KIF16B: variants seen among roughly 807,000 people sequenced by gnomAD.
KIF16B encodes kinesin-like protein KIF16B.
Under a neutral mutation model 156.3 loss-of-function variants are expected in KIF16B, and 98 were observed. The observed-to-expected ratio is 0.63, with a 90% confidence interval of 0.53 to 0.74. KIF16B has a LOEUF of 0.74. Among genes scored for constraint, KIF16B ranks in the 30% least tolerant of loss-of-function variants. The pLI, the probability that KIF16B is intolerant of heterozygous loss-of-function variation, is 0.00. For missense variants in KIF16B, 1,421 were observed against 1,606.5 expected, an observed-to-expected ratio of 0.88 and a Z score of 1.97; for synonymous variants, 564 against 583.7, an observed-to-expected ratio of 0.97 and a Z score of 0.49.
intron 12 of KIF16B, among the ~76,000 whole-genome samples, chr20:16,451,038 C>A (rs534947346): frequency 6.6e-6 from 1 of 152,276 alleles, no homozygotes; most frequent in African/African-American, 2.4e-5. Context: ...CAGTCAAAAT[C>A]TCAGTATCAG....
intron 12 of KIF16B, among the ~76,000 whole-genome samples, chr20:16,470,341 T>C (rs910428991): frequency 6.6e-6 from 1 of 152,122 alleles, no homozygotes; most frequent in African/African-American, 2.4e-5. Flanking sequence ...AAATTTTGAG[T>C]GACAATGATG....
intron 25 of KIF16B, among the ~76,000 whole-genome samples, chr20:16,294,897 G>A (rs1009872892): frequency 6.6e-6 from 1 of 152,086 alleles, no homozygotes; most frequent in Non-Finnish European, 1.5e-5. Context: ...GGACAACGCA[G>A]GGAGCCATCT....
chr20:16,470,785 A>C (rs6043978), intron 12 of KIF16B, among the ~76,000 whole-genome samples: 3 of 151,614 alleles, frequency 2.0e-5, no homozygotes, highest in Admixed American at 6.6e-5. Flanking sequence ...GCATGAACCA[A>C]TGCACATGGC....
intron 12 of KIF16B, among the ~76,000 whole-genome samples, chr20:16,436,312 A>T (rs1372551109): frequency 1.3e-5 from 2 of 152,060 alleles, no homozygotes; most frequent in Non-Finnish European, 2.9e-5. Context: ...GAGGGCTAGG[A>T]GGTCTCACCT....
chr20:16,305,136 G>C (rs764361252), intron 25 of KIF16B, among the ~76,000 whole-genome samples: 1 of 152,066 alleles, frequency 6.6e-6, no homozygotes, highest in Non-Finnish European at 1.5e-5. Flanking sequence ...CCTTTACTGC[G>C]AGAAAAATAA....
intron 25 of KIF16B, among the ~76,000 whole-genome samples, chr20:16,284,164 C>A (rs1176900842): frequency 6.6e-6 from 1 of 152,234 alleles, no homozygotes; most frequent in African/African-American, 2.4e-5. Context: ...AGGACAGCCA[C>A]TGGGACAAGA....
intron 12 of KIF16B, among the ~76,000 whole-genome samples, chr20:16,435,106 T>C (rs1452210301): frequency 2.0e-5 from 3 of 152,196 alleles, no homozygotes; most frequent in African/African-American, 7.2e-5. Context: ...TTATTATTAA[T>C]ATAAGAGGTA....
chr20:16,404,183 T>G (rs1028666979), intron 17 of KIF16B, among the ~76,000 whole-genome samples: 2 of 152,158 alleles, frequency 1.3e-5, no homozygotes, highest in African/African-American at 4.8e-5. Flanking sequence ...GAGATTATCC[T>G]GGTAGGAAAG....
intron 22 of KIF16B, among the ~76,000 whole-genome samples, chr20:16,364,913 A>G (rs2064629381): frequency 1.3e-5 from 2 of 152,248 alleles, no homozygotes; most frequent in Admixed American, 1.3e-4. Flanking sequence ...GAAATCCTAA[A>G]GGCCATGATT....
chr20:16,428,469 A>T (rs2066417375), intron 14 of KIF16B, among the ~76,000 whole-genome samples: 1 of 152,142 alleles, frequency 6.6e-6, no homozygotes, highest in Admixed American at 6.5e-5. Flanking sequence ...TGTCTTGTGA[A>T]GACTTTCAGG....
chr20:16,501,421 C>T (rs116195282), intron 10 of KIF16B, among the ~76,000 whole-genome samples: 1,552 of 152,084 alleles, frequency 0.01, 31 homozygotes, highest in African/African-American at 0.035. Flanking sequence ...ACTGGCACAA[C>T]TACTTTTAGA....
chr20:16,346,026 C>T (rs2064227591), intron 23 of KIF16B, among the ~76,000 whole-genome samples: 1 of 152,340 alleles, frequency 6.6e-6, no homozygotes, highest in East Asian at 1.9e-4. Flanking sequence ...ACTTGGTCAG[C>T]AGCCATCCAG....
chr20:16,451,588 G>C (rs1169323760), intron 12 of KIF16B, among the ~76,000 whole-genome samples: 1 of 150,554 alleles, frequency 6.6e-6, no homozygotes, highest in Non-Finnish European at 1.5e-5. Context: ...CTCTGCAGAA[G>C]AATGTAGTCA....
At chr20:16,497,368 A>T (rs1600545882) in intron 11 of KIF16B, among the ~76,000 whole-genome samples, 1 of 152,260 alleles carries the variant, frequency 6.6e-6, no homozygotes, top group African/African-American at 2.4e-5. Context: ...GCTTTGCAGG[A>T]TCTGCATATC....
chr20:16,451,626 T>C (rs1020356937), intron 12 of KIF16B, among the ~76,000 whole-genome samples: 2 of 151,838 alleles, frequency 1.3e-5, no homozygotes, highest in African/African-American at 4.8e-5. Flanking sequence ...CCTTGTAGAC[T>C]TGGAAAACAG....
At chr20:16,345,335 T>C (rs971164560) in intron 23 of KIF16B, among the ~76,000 whole-genome samples, 2 of 152,250 alleles carry the variant, frequency 1.3e-5, no homozygotes, top group African/African-American at 4.8e-5. Context: ...TACCAAATAT[T>C]TGTTAAGCAA....
In KIF16B at chr20:16,526,860, C is replaced by T. The variant is rs186543471; in HGVS notation, c.118-655G>A. 5.7e-3 allele frequency among the ~76,000 whole-genome samples: 867 copies of T among 151,148 alleles called. 1 individual carries two copies. Among genetic ancestry groups the T allele is most frequent in the Non-Finnish European group, 9.0e-3 (613 of 68,024 alleles). ...TGCTGAATAACTTCAATGAGCACCA[C>T]GTTTTCCACATGATTCACATATTAT... On this transcript the variant is annotated intron_variant, in intron 2 of 25. Transcript: ENST00000354981.
intron 12 of KIF16B, among the ~76,000 whole-genome samples, chr20:16,448,876 C>CAGAGAGAGAG (rs138248990): frequency 0.024 from 3,417 of 145,396 alleles, 114 homozygotes; most frequent in African/African-American, 0.075. Context: ...AGAAATATGA[C>CAGAGAGAGAG]AGAGAGAGAG....
intron 12 of KIF16B, among the ~76,000 whole-genome samples, chr20:16,462,357 C>T (rs1179207372): frequency 6.6e-6 from 1 of 152,208 alleles, no homozygotes; most frequent in African/African-American, 2.4e-5. Flanking sequence ...TTTCACCATT[C>T]TTCTTTCATT....
Sources: allele counts gnomAD v4.1 joint callset (sites outside exome capture counted in the v4.1 genomes callset), GRCh38; gene constraint gnomAD v4.1.1; transcripts MANE v1.5; gene names NCBI Gene and HGNC (gene_info 2026-07-23, HGNC 2026-07-21).